Variants in VPS13B observed in about 807,000 individuals in gnomAD.
VPS13B encodes the protein intermembrane lipid transfer protein VPS13B.
VPS13B carries 285 observed loss-of-function variants against 426.4 expected under a neutral mutation model. That is an observed-to-expected ratio of 0.67 (90% CI 0.61 to 0.74). The LOEUF is 0.74. Ranked by LOEUF, VPS13B falls within the 30% of genes least tolerant of loss-of-function variation. The probability of loss-of-function intolerance (pLI) is 0.00; values close to 1 mark genes in which losing one functional copy is unlikely to be tolerated. For synonymous variants in VPS13B, 1,676 were observed against 1,676.4 expected (o/e 1.00, Z 0.01); for missense variants, 4,537 against 4,782.6 (o/e 0.95, Z 1.51).
intron 17 of VPS13B, among the ~76,000 whole-genome samples, chr8:99,257,111 G>C (rs931290323): frequency 3.9e-5 from 6 of 152,098 alleles, no homozygotes; most frequent in Non-Finnish European, 8.8e-5. Flanking sequence ...TCATGCTTAG[G>C]TGCAGACAAA....
At chr8:99,456,770 C>CT (rs1197596602) in intron 23 of VPS13B, among the ~76,000 whole-genome samples, 1 of 152,058 alleles carries the variant, frequency 6.6e-6, no homozygotes, top group Admixed American at 6.6e-5. Flanking sequence ...CTTGTAGTGA[C>CT]TTTGTCTGCT....
chr8:99,166,608 T>C (rs1479601878), intron 15 of VPS13B, among the ~76,000 whole-genome samples: 1 of 152,236 alleles, frequency 6.6e-6, no homozygotes, highest in Non-Finnish European at 1.5e-5. Flanking sequence ...GCATCTCATC[T>C]TCTTGAATTG....
At chr8:99,140,911 TTTA>T (rs1810386930) in intron 12 of VPS13B, among the ~76,000 whole-genome samples, 2 of 152,174 alleles carry the variant, frequency 1.3e-5, no homozygotes, top group Non-Finnish European at 2.9e-5. Flanking sequence ...AATGGAAATA[TTTA>T]TTATTAATAT....
chr8:99,273,059 C>T (rs1230991267), intron 17 of VPS13B, among the ~76,000 whole-genome samples: 3 of 152,068 alleles, frequency 2.0e-5, no homozygotes, highest in African/African-American at 4.8e-5. Context: ...GACACTTCTG[C>T]TCCCAAGTAT....
intron 16 of VPS13B, among the ~76,000 whole-genome samples, chr8:99,190,607 C>T (rs1813509913): frequency 6.6e-6 from 1 of 151,740 alleles, no homozygotes; most frequent in African/African-American, 2.4e-5. Flanking sequence ...TTTAGTTGTT[C>T]TAGGGTTTAC....
intron 28 of VPS13B, chr8:99,508,056 T>C: frequency 7.5e-7 from 1 of 1,339,500 alleles, no homozygotes; most frequent in South Asian, 1.3e-5. Flanking sequence ...TAATTTAAAA[T>C]CATAAAACTG....
chr8:99,206,573 C>T (rs1814737717), intron 17 of VPS13B, among the ~76,000 whole-genome samples: 1 of 152,148 alleles, frequency 6.6e-6, no homozygotes, highest in South Asian at 2.1e-4. Flanking sequence ...AACTGCCAAA[C>T]TATTAAATAG....
At chr8:99,588,427 A>G (rs189617422) in intron 33 of VPS13B, among the ~76,000 whole-genome samples, 4 of 151,872 alleles carry the variant, frequency 2.6e-5, no homozygotes, top group Admixed American at 1.3e-4. Context: ...CATTTTCACA[A>G]TATTGATTCT....
At chr8:99,163,104 T>C (rs1367119211) in intron 15 of VPS13B, among the ~76,000 whole-genome samples, 1 of 152,108 alleles carries the variant, frequency 6.6e-6, no homozygotes, top group Admixed American at 6.5e-5. Flanking sequence ...CTGACTGGTG[T>C]GTTTACAAAC....
intron 28 of VPS13B, among the ~76,000 whole-genome samples, chr8:99,510,014 T>C (rs1563768395): frequency 6.6e-6 from 1 of 152,200 alleles, no homozygotes; most frequent in Non-Finnish European, 1.5e-5. Context: ...GTTATGATAA[T>C]TTTTTTACTC....
At chr8:99,317,882 C>T in intron 19 of VPS13B, among the ~76,000 whole-genome samples, 1 of 152,084 alleles carries the variant, frequency 6.6e-6, no homozygotes, top group East Asian at 1.9e-4. Context: ...AATGTAGGTG[C>T]ATGCACTAAG....
chr8:99,504,257 A>AG (rs968898578), intron 27 of VPS13B, among the ~76,000 whole-genome samples: 1 of 152,204 alleles, frequency 6.6e-6, no homozygotes, highest in Non-Finnish European at 1.5e-5. Context: ...AAGCTTCCCA[A>AG]GGCCTCACCA....
chr8:99,241,321 TATA>T (rs1353198051), intron 17 of VPS13B: 1 of 152,228 alleles, frequency 6.6e-6, no homozygotes, highest in Non-Finnish European at 1.5e-5. Context: ...TTATCCTGTG[TATA>T]ATAATGTTGT....
chr8:99,819,003 G>A, intron 47 of VPS13B, 115 bp downstream of exon 47: 2 of 981,276 alleles, frequency 2.0e-6, no homozygotes, highest in Admixed American at 2.1e-5. Context: ...GGGAGTGGAG[G>A]GAGTTTTTTG....
At chr8:99,596,243 A>G (rs150818082) in intron 33 of VPS13B, among the ~76,000 whole-genome samples, 53 of 152,000 alleles carry the variant, frequency 3.5e-4, no homozygotes, top group African/African-American at 1.3e-3. Flanking sequence ...TAGCTCCCCA[A>G]CTGGAGCCTA....
intron 23 of VPS13B, among the ~76,000 whole-genome samples, chr8:99,452,708 A>G (rs1374735738): frequency 2.6e-5 from 4 of 152,222 alleles, no homozygotes; most frequent in Non-Finnish European, 5.9e-5. Flanking sequence ...ATGAACAAAA[A>G]GTTCTCTGTA....
chr8:99,402,346 C>G (rs1439135984), intron 21 of VPS13B, among the ~76,000 whole-genome samples: 1 of 152,120 alleles, frequency 6.6e-6, no homozygotes, highest in Non-Finnish European at 1.5e-5. Flanking sequence ...CCTGAGGGTC[C>G]CTGGAAGACA....
intron 30 of VPS13B, among the ~76,000 whole-genome samples, chr8:99,542,499 G>T (rs940202199): frequency 1.3e-5 from 2 of 152,078 alleles, no homozygotes; most frequent in African/African-American, 4.8e-5. Context: ...AATAAAGCAT[G>T]GTACACTTAG....
intron 39 of VPS13B, among the ~76,000 whole-genome samples, chr8:99,735,235 T>C (rs1031532839): frequency 6.6e-6 from 1 of 152,050 alleles, no homozygotes; most frequent in Non-Finnish European, 1.5e-5. Flanking sequence ...AGTAAATAAA[T>C]AGTAGATGAG....
Sources: allele counts gnomAD v4.1 joint callset (sites outside exome capture counted in the v4.1 genomes callset), GRCh38; gene constraint gnomAD v4.1.1; transcripts MANE v1.5; gene names NCBI Gene and HGNC (gene_info 2026-07-23, HGNC 2026-07-21).